CELF3: variants seen among roughly 807,000 people sequenced by gnomAD.
The protein encoded by CELF3 is CUGBP Elav-like family member 3, also known as CAG repeat domain.
In CELF3, 26 loss-of-function variants were observed where a neutral mutation model predicts 59.6. The observed-to-expected ratio is 0.44, with a 90% confidence interval of 0.32 to 0.61. CELF3 has a LOEUF of 0.61. Ranked by LOEUF, CELF3 falls within the 20% of genes least tolerant of loss-of-function variation. CELF3 has a pLI of 0.06. For synonymous variants in CELF3, 245 were observed against 250.7 expected (o/e 0.98, Z 0.22); for missense variants, 387 against 627.2 (o/e 0.62, Z 4.09).
intron 1 of CELF3, 117 bp downstream of exon 1, chr1:151,715,759 T>A: frequency 2.5e-6 from 4 of 1,596,834 alleles, no homozygotes; most frequent in Non-Finnish European, 3.4e-6. Context: ...TCCTCAGGCC[T>A]GAACTCTTCT....
chr1:151,714,713 G>C (rs760150868), intron 1 of CELF3, 37 bp from the exon 2 acceptor site: 2 of 1,419,128 alleles, frequency 1.4e-6, no homozygotes, highest in Non-Finnish European at 1.9e-6. Flanking sequence ...ACGGCGGGGG[G>C]TGAGTCCTCC....
chr1:151,704,673 T>C (rs926841404), intron 12 of CELF3, among the ~76,000 whole-genome samples: 1 of 151,926 alleles, frequency 6.6e-6, no homozygotes, highest in Non-Finnish European at 1.5e-5. Flanking sequence ...CTAATTCCAC[T>C]CTAACCCGAA....
intron 12 of CELF3, among the ~76,000 whole-genome samples, chr1:151,704,140 A>AGCAGGGGTCCGGG (rs1300792428): frequency 6.6e-6 from 1 of 151,762 alleles, no homozygotes; most frequent in African/African-American, 2.4e-5. Flanking sequence ...AGGGGCCCGG[A>AGCAGGGGTCCGGG]GCAGGGGTCC....
At chr1:151,714,179 A>G (rs1673262471) in intron 2 of CELF3, among the ~76,000 whole-genome samples, 1 of 151,284 alleles carries the variant, frequency 6.6e-6, no homozygotes, top group East Asian at 2.0e-4. Flanking sequence ...TTCTCTGGGC[A>G]CTCCTCCCTC....
chr1:151,704,140 A>G (rs1468437503), intron 12 of CELF3, among the ~76,000 whole-genome samples: 1 of 151,762 alleles, frequency 6.6e-6, no homozygotes, highest in Non-Finnish European at 1.5e-5. Flanking sequence ...AGGGGCCCGG[A>G]GCAGGGGTCC....
chr1:151,709,366 G>A lies in CELF3; in HGVS notation c.278-18C>T, dbSNP rs1464182068. On this transcript the variant is annotated intron_variant, in intron 3 of 12. Coordinates refer to ENST00000290583, the MANE Select transcript of CELF3 (RefSeq NM_007185.7). The surrounding 1 kb of genome is among the most constrained non-coding windows in gnomAD (Gnocchi z 4.9). ...CCGGTCTTCTGGGTGGTAGGGCACA[G>A]GAGGAGGGCATGTTCAGGGCCTCCT... 1 of 1,613,762 alleles carries A rather than the reference G, an allele frequency of 6.2e-7. No individual in the cohort carries two copies. Among genetic ancestry groups the A allele is most frequent in the Non-Finnish European group, 8.5e-7 (1 of 1,179,880 alleles).
In CELF3 at chr1:151,716,256, T is replaced by C. The variant is rs1673471946; in HGVS notation, c.-236A>G. ...GACGCTGTCATGCCACCAGGGGGCATCGCCTAAACAAACGATCTCCCTCCC... is the reference window on the plus strand; with the variant it reads ...GACGCTGTCATGCCACCAGGGGGCACCGCCTAAACAAACGATCTCCCTCCC... On this transcript the variant is annotated 5_prime_UTR_variant, in exon 1 of 13. The change abolishes an upstream ATG in the 5' untranslated region. Coordinates refer to ENST00000290583, the MANE Select transcript of CELF3 (RefSeq NM_007185.7). 16 of 482,202 alleles carry C rather than the reference T, an allele frequency of 3.3e-5. No homozygotes were observed. The South Asian group carries it at 6.3e-4, about 19-fold the overall frequency. The allele number at this position is 482,202 out of a possible 1,614,324, so 29.9% of individuals were successfully genotyped here.
intron 12 of CELF3, among the ~76,000 whole-genome samples, chr1:151,703,941 G>A (rs1672296685): frequency 6.6e-6 from 1 of 152,088 alleles, no homozygotes; most frequent in African/African-American, 2.4e-5. Context: ...TTCCTTTTTG[G>A]AAAGGAACAC....
chr1:151,707,263 C>T lies in CELF3; in HGVS notation c.804G>A (p.Thr268=), dbSNP rs138688122. 6.0e-5 allele frequency: 94 copies of T among 1,568,384 alleles called. No homozygotes were observed. Among genetic ancestry groups the T allele is most frequent in the Middle Eastern group, 1.7e-4 (1 of 5,978 alleles). Residue 268 remains threonine (T), a synonymous_variant, in exon 8 of 13, where the codon ACG becomes ACA. Transcript: ENST00000290583. The part of the protein sequence containing the change: ...GTSTPPAIAA[T]PVSAIPAALG... ...GGGCAGCCGGAATGGCAGAGACAGG[C>T]GTGGCAGCGATGGCAGGAGGGGTGC...
Position 151,709,203 on chromosome 1 carries a change from G to A in CELF3, c.406+17C>T, listed in dbSNP as rs1672814159. On this transcript the variant is annotated intron_variant, in intron 4 of 12. Coordinates refer to ENST00000290583, the MANE Select transcript of CELF3 (RefSeq NM_007185.7). This position sits in a 1 kb window ranked among gnomAD's most constrained non-coding sequence, Gnocchi z 4.9. Reference sequence around the variant, plus strand: ...AGGGGAAGGGCCCGGTGGGGAAGGGGGAAGTGGGTGGACTACCTTTGCTGG... The same window carrying A: ...AGGGGAAGGGCCCGGTGGGGAAGGGAGAAGTGGGTGGACTACCTTTGCTGG... 2 of 1,612,340 alleles carry A rather than the reference G, an allele frequency of 1.2e-6. No individual in the cohort carries two copies.
Position 151,716,605 on chromosome 1 carries a change from C to T in CELF3, c.-585G>A, listed in dbSNP as rs1209322051. 2.9e-6 allele frequency: 1 copy of T among 349,562 alleles called. No individual in the cohort carries two copies. The highest frequency in any genetic ancestry group is 5.9e-6 in the Non-Finnish European group (1 of 170,816). The allele number at this position is 349,562 out of a possible 1,614,324, so 21.7% of individuals were successfully genotyped here. ...ATCCCTGATGCCAGATGCTTGATCT[C>T]TGATGGCGGCAGGGCTCCAGGGGTC... is the stretch of plus-strand genomic sequence containing the variant. On this transcript the variant is annotated 5_prime_UTR_variant, in exon 1 of 13. Coordinates refer to ENST00000290583, the MANE Select transcript of CELF3 (RefSeq NM_007185.7).
chr1:151,714,264 C>T (rs1160373751), intron 2 of CELF3, among the ~76,000 whole-genome samples: 2 of 152,206 alleles, frequency 1.3e-5, no homozygotes, highest in Non-Finnish European at 2.9e-5. Flanking sequence ...CCCTGATCCA[C>T]ACTTGGTGTC....
intron 12 of CELF3, 51 bp downstream of exon 12, chr1:151,704,980 G>A: frequency 6.4e-7 from 1 of 1,558,692 alleles, no homozygotes; most frequent in Non-Finnish European, 8.7e-7. Flanking sequence ...CGAGGGCCCT[G>A]GCTGCAGTGT....
Position 151,703,371 on chromosome 1 carries a change from A to C in CELF3, c.*88T>G. On this transcript the variant is annotated 3_prime_UTR_variant, in exon 13 of 13. Transcript: ENST00000290583. ...TTGCCCCAGAACCCAGTCAAGGCCC[A>C]GGGCAGGTGTGCGGAGAGGGCCGGG... 7.0e-6 allele frequency: 3 copies of C among 427,826 alleles called. No individual in the cohort carries two copies. The highest frequency in any genetic ancestry group is 5.0e-5 in the South Asian group (3 of 60,498). The allele number at this position is 427,826 out of a possible 1,614,324, so 26.5% of individuals were successfully genotyped here.
chr1:151,716,186 A>C lies in CELF3; in HGVS notation c.-166T>G. The C allele has an allele frequency of 3.1e-6, 2 of 647,032 alleles. No homozygotes were observed. The highest frequency in any genetic ancestry group is 5.1e-6 in the Non-Finnish European group (2 of 389,632). The allele number at this position is 647,032 out of a possible 1,614,324, so 40.1% of individuals were successfully genotyped here. ...AAGCAGAGGGGCGGCTCTTCACACA[A>C]AGGAGGCCCAGGGAGTTGAGTGCTA... is the stretch of plus-strand genomic sequence containing the variant. On this transcript the variant is annotated 5_prime_UTR_variant, in exon 1 of 13. Coordinates refer to ENST00000290583, the MANE Select transcript of CELF3 (RefSeq NM_007185.7).
At chr1:151,713,883 A>T (rs1673235632) in intron 2 of CELF3, among the ~76,000 whole-genome samples, 1 of 152,150 alleles carries the variant, frequency 6.6e-6, no homozygotes, top group Non-Finnish European at 1.5e-5. Flanking sequence ...TGGGAAGAAG[A>T]CACAAAGAGA....
rs1345159126 is a variant in CELF3, at chr1:151,706,288, G to A, written c.1062C>T (p.Pro354=). The A allele has an allele frequency of 6.4e-7, 1 of 1,568,396 alleles. No individual in the cohort carries two copies. The highest frequency in any genetic ancestry group is 1.4e-5 in the African/African-American group (1 of 73,656). Residue 354 remains proline, a synonymous_variant, in exon 10 of 13, where the codon CCC becomes CCT. Coordinates refer to ENST00000290583, the MANE Select transcript of CELF3 (RefSeq NM_007185.7). The stretch of plus-strand genomic sequence containing the variant: ...GCTGCTGCTGTTGAGGTGGTGGTGG[G>A]GGCTGCTGGGCGACCAGGGCTGGAG... ...PQPPALVAQQ[P]PPPPQQQQQQ... is the part of the protein sequence containing the mutation.
At chr1:151,713,843 G>A (rs1673232345) in intron 2 of CELF3, among the ~76,000 whole-genome samples, 1 of 152,218 alleles carries the variant, frequency 6.6e-6, no homozygotes, top group Non-Finnish European at 1.5e-5. Flanking sequence ...TGAGGCCATG[G>A]AAGGGCTTGG....
rs1419467632 is a variant in CELF3, at chr1:151,702,835, G to A, written c.*624C>T. The A allele has an allele frequency of 2.5e-4, 55 of 219,254 alleles. No individual in the cohort carries two copies. Among genetic ancestry groups the A allele is most frequent in the Admixed American group, 2.1e-3 (42 of 20,486 alleles). The allele number at this position is 219,254 out of a possible 1,614,324, so 13.6% of individuals were successfully genotyped here. A position where few individuals can be genotyped will look rare whatever the true frequency, so the allele number is the denominator to read the frequency against. On this transcript the variant is annotated 3_prime_UTR_variant, in exon 13 of 13. Transcript: ENST00000290583. ...GGGTTCAGGGGAAGGTCTTTTCCTC[G>A]TGAAAGGAGGAGGGTCTCTGTGGCT...
Sources: gnomAD v4.1 joint callset for allele counts (sites outside exome capture counted in the v4.1 genomes callset) on GRCh38, gnomAD v4.1.1 for gene constraint, Gnocchi (gnomAD v3.1) non-coding constraint, MANE v1.5 for transcripts, NCBI Gene and HGNC (gene_info 2026-07-23, HGNC 2026-07-21) for gene names.